The following DLGAP2 variants were observed in gnomAD, a reference collection of about 807,000 sequenced individuals.
DLGAP2 encodes the protein DLG associated protein 2.
A neutral mutation model predicts 100.3 loss-of-function variants in DLGAP2; 26 were observed. The observed-to-expected ratio is 0.26, with a 90% CI of 0.19 to 0.36. The LOEUF (loss-of-function observed/expected upper bound fraction) is 0.36. Ranked by LOEUF, DLGAP2 falls within the 10% of genes least tolerant of loss-of-function variation. The probability of loss-of-function intolerance (pLI) is 1.00; values close to 1 mark genes in which losing one functional copy is unlikely to be tolerated. For missense variants in DLGAP2, 1,858 were observed against 1,453.2 expected (o/e 1.28, Z -4.53); for synonymous variants, 886 against 630.1 (o/e 1.41, Z -6.08).
chr8:954,111 T>C (rs1397968856), intron 2 of DLGAP2, among the ~76,000 whole-genome samples: 3 of 152,168 alleles, frequency 2.0e-5, no homozygotes, highest in Non-Finnish European at 4.4e-5. Context: ...TGAAAGAGTG[T>C]CAGTGGCTCC....
At chr8:860,801 A>G (rs985114423) in intron 1 of DLGAP2, among the ~76,000 whole-genome samples, 7 of 152,068 alleles carry the variant, frequency 4.6e-5, no homozygotes, top group African/African-American at 1.7e-4. Flanking sequence ...TGTGGCGGGG[A>G]GTCAGTGAGA....
chr8:1,678,621 C>T lies in DLGAP2; in HGVS notation c.2696C>T (p.Ser899Leu), dbSNP rs558732081. The T allele has an allele frequency of 6.0e-5, 93 of 1,540,856 alleles. No homozygotes were observed. In the South Asian group the frequency reaches 6.7e-4, roughly 11 times the overall value. The change falls in exon 12 of 15, where the codon TCG (serine) becomes TTG (leucine). Residue 899 changes from serine (S) to leucine (L), a missense_variant. Ser to Leu is a moderately radical substitution (Grantham distance 145). Transcript: ENST00000637795. ...MEREAEENDL[S>L]EEILGKIRSA... The stretch of plus-strand genomic sequence containing the variant: ...AGAGAGGCGGAGGAGAACGACCTCT[C>T]GGAGGAAAGTAAGAGCTCAGGCTTC...
intron 8 of DLGAP2, among the ~76,000 whole-genome samples, chr8:1,641,779 G>A (rs1797906344): frequency 6.6e-6 from 1 of 152,104 alleles, no homozygotes. Flanking sequence ...AATAATTGAT[G>A]CTTGCATAAG....
chr8:1,191,421 C>T lies in DLGAP2; in HGVS notation c.74-67430C>T, dbSNP rs1049926471. On this transcript the variant is annotated intron_variant, in intron 2 of 14. Transcript: ENST00000637795. Reference sequence around the variant, plus strand: ...TCCTGACCTTGTGATCTGCCCGCCTCAGCCTCCCAAAGTGCGGGGATTATA... The same window carrying T: ...TCCTGACCTTGTGATCTGCCCGCCTTAGCCTCCCAAAGTGCGGGGATTATA... Among the ~76,000 whole-genome samples, 13 of 152,192 alleles carry T rather than the reference C, an allele frequency of 8.5e-5. No individual in the cohort carries two copies. In the South Asian group the frequency reaches 1.2e-3, roughly 15 times the overall value.
At chr8:1,471,890 A>G (rs1191834202) in intron 3 of DLGAP2, among the ~76,000 whole-genome samples, 1 of 152,226 alleles carries the variant, frequency 6.6e-6, no homozygotes, top group African/African-American at 2.4e-5. Flanking sequence ...GGCTCTGCGC[A>G]GGCCTGCGGT....
intron 3 of DLGAP2, among the ~76,000 whole-genome samples, chr8:1,416,311 C>G (rs1796882888): frequency 6.6e-6 from 1 of 152,190 alleles, no homozygotes. Flanking sequence ...TGGAAACCAG[C>G]TTCCCGTGGT....
At chr8:909,965 G>A (rs1366918980) in intron 2 of DLGAP2, among the ~76,000 whole-genome samples, 1 of 152,174 alleles carries the variant, frequency 6.6e-6, no homozygotes, top group East Asian at 1.9e-4. Flanking sequence ...TCCTTGTAAG[G>A]GCGACTGTAA....
In DLGAP2 at chr8:1,706,057, A is replaced by T. The variant is rs1208759303; in HGVS notation, c.*4651A>T. 2.0e-5 allele frequency: 3 copies of T among 152,166 alleles called. No individual in the cohort carries two copies. The highest frequency in any genetic ancestry group is 2.1e-4 in the South Asian group (1 of 4,826). The allele number at this position is 152,166 out of a possible 1,614,324, so 9.4% of individuals were successfully genotyped here. On this transcript the variant is annotated 3_prime_UTR_variant, in exon 15 of 15. Transcript: ENST00000637795. The stretch of plus-strand genomic sequence containing the variant: ...GCAGGAGCCCCATCTTGTCGCTATT[A>T]GTTGGGAGTTGCAATACATTGTTGG...
chr8:1,635,813 A>G (rs1241352427), intron 8 of DLGAP2, among the ~76,000 whole-genome samples: 1 of 152,220 alleles, frequency 6.6e-6, no homozygotes, highest in Non-Finnish European at 1.5e-5. Flanking sequence ...ATCTTAGACC[A>G]TCTGTTTTAA....
At chr8:812,087 T>A (rs529243537) in intron 1 of DLGAP2, among the ~76,000 whole-genome samples, 4 of 152,304 alleles carry the variant, frequency 2.6e-5, no homozygotes, top group African/African-American at 7.2e-5. Context: ...TGTGTGCTCC[T>A]CCATCTCTGC....
At chr8:1,094,119 G>T (rs1292924505) in intron 2 of DLGAP2, among the ~76,000 whole-genome samples, 2 of 152,102 alleles carry the variant, frequency 1.3e-5, no homozygotes, top group South Asian at 2.1e-4. Context: ...CAGCTCCGTG[G>T]AGTGGGCAGG....
intron 10 of DLGAP2, among the ~76,000 whole-genome samples, chr8:1,675,349 A>AT (rs1377739832): frequency 2.0e-5 from 3 of 152,306 alleles, no homozygotes; most frequent in African/African-American, 7.2e-5. Context: ...CCCTCCTCTG[A>AT]TCCGCCAGCT....
intron 4 of DLGAP2, among the ~76,000 whole-genome samples, chr8:1,544,877 C>A (rs1305949984): frequency 6.6e-6 from 1 of 152,016 alleles, no homozygotes; most frequent in Non-Finnish European, 1.5e-5. Context: ...CGATTACAGG[C>A]ATGCGCCACC....
chr8:1,108,465 G>A (rs1344557218), intron 2 of DLGAP2, among the ~76,000 whole-genome samples: 1 of 152,098 alleles, frequency 6.6e-6, no homozygotes, highest in Non-Finnish European at 1.5e-5. Context: ...CCTGTGATGT[G>A]CGCTGGGTCT....
chr8:1,675,195 C>T (rs1798783472), intron 10 of DLGAP2, among the ~76,000 whole-genome samples: 1 of 152,232 alleles, frequency 6.6e-6, no homozygotes. Context: ...CTGTCCGTTC[C>T]CCTGGATCCA....
At chr8:931,098 G>C (rs2129003362) in intron 2 of DLGAP2, among the ~76,000 whole-genome samples, 1 of 152,136 alleles carries the variant, frequency 6.6e-6, no homozygotes, top group South Asian at 2.1e-4. Flanking sequence ...CAGCTGAATA[G>C]AAACGCATGT....
chr8:1,147,698 A>AT (rs1796631966), intron 2 of DLGAP2, among the ~76,000 whole-genome samples: 1 of 151,832 alleles, frequency 6.6e-6, no homozygotes. Flanking sequence ...AGCTCAGCTA[A>AT]TTTTTTCAGA....
chr8:1,676,391 C>T (rs913380153), intron 10 of DLGAP2, 142 bp from the exon 11 acceptor site: 8 of 776,532 alleles, frequency 1.0e-5, no homozygotes, highest in Middle Eastern at 2.3e-4. Context: ...TCCCTCTCTG[C>T]GGTTTTACTG....
At chr8:1,193,797 C>T (rs1193905258) in intron 2 of DLGAP2, among the ~76,000 whole-genome samples, 1 of 151,984 alleles carries the variant, frequency 6.6e-6, no homozygotes, top group Non-Finnish European at 1.5e-5. Context: ...CACCATGCCC[C>T]CTGCAGCCAG....
Sources: gnomAD v4.1 joint callset for allele counts (sites outside exome capture counted in the v4.1 genomes callset) on GRCh38, gnomAD v4.1.1 for gene constraint, MANE v1.5 for transcripts, NCBI Gene and HGNC (gene_info 2026-07-23, HGNC 2026-07-21) for gene names.